The following ATAD2 variants were observed in gnomAD, a reference collection of about 807,000 sequenced individuals.
ATAD2 encodes the protein ATPase family AAA domain-containing protein 2.
In ATAD2, 62 loss-of-function variants were observed where a neutral mutation model predicts 168.9. That is an observed-to-expected ratio of 0.37 (90% CI 0.30 to 0.45). The LOEUF (loss-of-function observed/expected upper bound fraction) is 0.45. Among genes scored for constraint, ATAD2 ranks in the 20% least tolerant of loss-of-function variants. The pLI, the probability that ATAD2 is intolerant of heterozygous loss-of-function variation, is 1.00. For missense variants in ATAD2, 1,419 were observed against 1,667.8 expected (o/e 0.85, Z 2.60); for synonymous variants, 613 against 571.6 (o/e 1.07, Z -1.03).
intron 19 of ATAD2, among the ~76,000 whole-genome samples, chr8:123,343,217 T>G (rs1285829927): frequency 6.6e-6 from 1 of 151,828 alleles, no homozygotes; most frequent in Non-Finnish European, 1.5e-5. Flanking sequence ...CTCAGGTGAT[T>G]CGCCCACCCC....
intron 1 of ATAD2, among the ~76,000 whole-genome samples, chr8:123,390,249 C>A (rs118033190): frequency 0.025 from 3,845 of 152,030 alleles, 69 homozygotes; most frequent in Middle Eastern, 0.044. Context: ...AAACAAAGTG[C>A]TAGGATTACA....
upstream of ATAD2, among the ~76,000 whole-genome samples, chr8:123,396,794 C>T (rs1812867741): frequency 6.6e-6 from 1 of 152,144 alleles, no homozygotes; most frequent in African/African-American, 2.4e-5. Context: ...TGGTGGGGTC[C>T]GGCGTCTCCT....
intron 1 of ATAD2, among the ~76,000 whole-genome samples, chr8:123,413,530 C>T (rs1813195178): frequency 6.6e-6 from 1 of 152,142 alleles, no homozygotes; most frequent in Admixed American, 6.5e-5. Context: ...GCTCAGAAAT[C>T]CTAGTGTTAC....
Position 123,396,406 on chromosome 8 carries a change from T to C in ATAD2, c.-49A>G, listed in dbSNP as rs564616272. The C allele has an allele frequency of 2.2e-5, 32 of 1,480,948 alleles. No homozygotes were observed. Among genetic ancestry groups the C allele is most frequent in the Middle Eastern group, 4.6e-4 (2 of 4,370 alleles). 91.7% of individuals were successfully genotyped at this position (1,480,948 alleles called of 1,614,324 possible). A position where few individuals can be genotyped will look rare whatever the true frequency, so the allele number is the denominator to read the frequency against. ...GTGCGCGACCGGAGAGAGATCCAGCTCCAGGCGCTCGCAGCTCTGGCTCTT... is the reference window on the plus strand; with the variant it reads ...GTGCGCGACCGGAGAGAGATCCAGCCCCAGGCGCTCGCAGCTCTGGCTCTT... On this transcript the variant is annotated 5_prime_UTR_variant, in exon 1 of 28. Coordinates refer to ENST00000287394, the MANE Select transcript of ATAD2 (RefSeq NM_014109.4).
intron 21 of ATAD2, among the ~76,000 whole-genome samples, chr8:123,336,783 T>C (rs1827926446): frequency 6.6e-6 from 1 of 152,176 alleles, no homozygotes; most frequent in Non-Finnish European, 1.5e-5. Context: ...TAACAGCCTA[T>C]ATTCTTTCCT....
intron 5 of ATAD2, 99 bp from the exon 6 acceptor site, chr8:123,371,089 G>T: frequency 8.9e-7 from 1 of 1,129,816 alleles, no homozygotes; most frequent in Non-Finnish European, 1.2e-6. Context: ...GATATTTACA[G>T]CCATAAACTC....
At chr8:123,378,701 C>CAAAAAAAAAAAAAAAAAAA (rs71808201) in intron 2 of ATAD2, among the ~76,000 whole-genome samples, 4 of 73,040 alleles carry the variant, frequency 5.5e-5, no homozygotes, top group African/African-American at 1.7e-4. Context: ...GACTGTGTCT[C>CAAAAAAAAAAAAAAAAAAA]AAAAAAAAAA....
chr8:123,405,167 A>G (rs1367243297), intron 1 of ATAD2, among the ~76,000 whole-genome samples: 1 of 152,082 alleles, frequency 6.6e-6, no homozygotes, highest in East Asian at 1.9e-4. Flanking sequence ...AATGGGCATG[A>G]TTGTGTTTCA....
At chr8:123,396,789 G>C (rs1812867348), upstream of ATAD2, among the ~76,000 whole-genome samples, 1 of 152,132 alleles carries the variant, frequency 6.6e-6, no homozygotes. Context: ...TTGGCTGGTG[G>C]GGTCCGGCGT....
At chr8:123,371,023 T>C in intron 5 of ATAD2, 33 bp from the exon 6 acceptor site, 2 of 1,462,432 alleles carry the variant, frequency 1.4e-6, no homozygotes, top group Non-Finnish European at 1.9e-6. Context: ...CATTAACATT[T>C]GGAATCTATT....
intron 1 of ATAD2, among the ~76,000 whole-genome samples, chr8:123,382,858 G>T (rs1284874837): frequency 6.6e-6 from 1 of 151,998 alleles, no homozygotes; most frequent in Non-Finnish European, 1.5e-5. Flanking sequence ...TATACCCAAG[G>T]GATTATAAAT....
In ATAD2 at chr8:123,348,842, T is replaced by C. The variant is rs187530773; in HGVS notation, c.1806+443A>G. Among the ~76,000 whole-genome samples the C allele has an allele frequency of 9.9e-4, 151 of 152,354 alleles. 1 individual carries two copies. The highest frequency in any genetic ancestry group is 2.7e-3 in the Admixed American group (42 of 15,306). On this transcript the variant is annotated intron_variant, in intron 14 of 27. Transcript: ENST00000287394. ...TAAACACAAATAAGAGAAAAGTAAC[T>C]ACTAAAGTAGCTATTCATTCTGGTG... is the stretch of plus-strand genomic sequence containing the variant.
chr8:123,328,824 G>A (rs1172827909), intron 24 of ATAD2, among the ~76,000 whole-genome samples: 3 of 118,524 alleles, frequency 2.5e-5, no homozygotes, highest in African/African-American at 6.8e-5. Context: ...TTTTTGAGAC[G>A]GAGTCTCACT....
intron 20 of ATAD2, 98 bp downstream of exon 20, chr8:123,339,213 T>C: frequency 9.0e-7 from 1 of 1,109,252 alleles, no homozygotes. Context: ...ATGACTTAGG[T>C]TTTGAGCTTG....
At chr8:123,358,705 T>C (rs1357645498) in intron 11 of ATAD2, among the ~76,000 whole-genome samples, 2 of 150,658 alleles carry the variant, frequency 1.3e-5, no homozygotes, top group Non-Finnish European at 3.0e-5. Context: ...TTACCTGTGA[T>C]TGATATATGG....
At position 123,368,235 on chromosome 8, in the gene ATAD2, T is replaced by C. The variant is rs190884554; in HGVS notation, c.1049+823A>G. ...GAGTTTGAGACCAGCCTGGCCAACA[T>C]GGTGAAAACCCGTCTCTACTAAAAA... is the stretch of plus-strand genomic sequence containing the variant. On this transcript the variant is annotated intron_variant, in intron 8 of 27. Transcript: ENST00000287394. Among the ~76,000 whole-genome samples the C allele has an allele frequency of 1.6e-4, 25 of 152,210 alleles. No individual in the cohort carries two copies. In the East Asian group the frequency reaches 4.8e-3, roughly 29 times the overall value.
intron 13 of ATAD2, chr8:123,352,079 T>C (rs1331171884): frequency 6.6e-6 from 1 of 152,410 alleles, no homozygotes; most frequent in Non-Finnish European, 1.5e-5. Flanking sequence ...GATCTTGGTG[T>C]GTTCCCTGCC....
At chr8:123,359,127 C>T (rs1251590808) in intron 11 of ATAD2, 94 bp downstream of exon 11, 6 of 745,540 alleles carry the variant, frequency 8.0e-6, no homozygotes, top group Admixed American at 2.8e-5. Flanking sequence ...AGGGAACTAT[C>T]ACTTAAAAAT....
At chr8:123,359,866 AATATTT>A (rs2131363498) in intron 9 of ATAD2, among the ~76,000 whole-genome samples, 181 bp from the exon 10 acceptor site, 1 of 152,318 alleles carries the variant, frequency 6.6e-6, no homozygotes, top group Non-Finnish European at 1.5e-5. Flanking sequence ...AAGTGTTAGA[AATATTT>A]ATATCTGAAG....
Sources: allele counts gnomAD v4.1 joint callset (sites outside exome capture counted in the v4.1 genomes callset), GRCh38; gene constraint gnomAD v4.1.1; transcripts MANE v1.5; gene names NCBI Gene and HGNC (gene_info 2026-07-23, HGNC 2026-07-21).